DDX3X: variants seen among roughly 807,000 people sequenced by gnomAD.
DDX3X encodes ATP-dependent RNA helicase DDX3X.
Under a neutral mutation model 52.7 loss-of-function variants are expected in DDX3X, and 4 were observed. That is an observed-to-expected ratio of 0.08 (90% CI 0.04 to 0.17). The LOEUF (loss-of-function observed/expected upper bound fraction) is 0.17, where lower values mean the gene tolerates loss of function less well. Ranked by LOEUF, DDX3X falls within the 10% of genes least tolerant of loss-of-function variation. The probability of loss-of-function intolerance (pLI) is 1.00; values close to 1 mark genes in which losing one functional copy is unlikely to be tolerated. For missense variants in DDX3X, 222 were observed against 548.6 expected, an observed-to-expected ratio of 0.40 and a Z score of 5.95; for synonymous variants, 192 against 178.1, an observed-to-expected ratio of 1.08 and a Z score of -0.62.
intron 8 of DDX3X, 46 bp from the exon 9 acceptor site, chrX:41,343,984 C>CA (rs1239595905): frequency 9.2e-7 from 1 of 1,088,462 alleles, no homozygotes; most frequent in Non-Finnish European, 1.2e-6. Flanking sequence ...ATGAACTTTT[C>CA]AAACAGGGTA....
In DDX3X at chrX:41,343,786, T is replaced by C; in HGVS notation, c.729T>C (p.Tyr243=). The C allele has an allele frequency of 2.5e-6, 3 of 1,211,133 alleles. No individual in the cohort carries two copies. Among genetic ancestry groups the C allele is most frequent in the East Asian group, 3.0e-5 (1 of 33,859 alleles). The change falls in exon 8 of 17, where the codon TAT becomes TAC. Residue 243 remains tyrosine (Y), a synonymous_variant. Coordinates refer to ENST00000644876, the MANE Select transcript of DDX3X (RefSeq NM_001356.5). ...AFLLPILSQI[Y]SDGPGEALRA... ...TGTTGCCCATCTTGAGTCAGATTTA[T>C]TCAGATGGTCCAGGCGAGGCTTTGA...
chrX:41,360,259 T>G (rs1374644196), intron 5 of DDX3X, among the ~76,000 whole-genome samples: 3 of 106,103 alleles, frequency 2.8e-5, no homozygotes, highest in Non-Finnish European at 5.8e-5. Context: ...GTGCCTGTAA[T>G]CCCAGCTACT....
intron 12 of DDX3X, chrX:41,345,922 C>T (rs980700461): frequency 2.7e-5 from 7 of 259,830 alleles, no homozygotes; most frequent in African/African-American, 2.0e-4. Flanking sequence ...CCCATTTGGG[C>T]TGGGTGCAGT....
chrX:41,344,520 C>T lies in DDX3X; in HGVS notation c.1025+121C>T, dbSNP rs898981334. On this transcript the variant is annotated intron_variant, in intron 10 of 16. Transcript: ENST00000644876. ...TGGCGCGATCTCGGCTCACCACAACCTCTGCCTCCCGGGTTCAAGCGATTC... is the reference window on the plus strand; with the variant it reads ...TGGCGCGATCTCGGCTCACCACAACTTCTGCCTCCCGGGTTCAAGCGATTC... 4.7e-6 allele frequency: 4 copies of T among 845,482 alleles called. No individual in the cohort carries two copies. In the African/African-American group the frequency reaches 8.0e-5, roughly 17 times the overall value. 69.7% of individuals were successfully genotyped at this position (845,482 alleles called of 1,213,427 possible).
chrX:41,344,594 C>T (rs1333377820), intron 10 of DDX3X, 195 bp downstream of exon 10: 2 of 470,786 alleles, frequency 4.2e-6, no homozygotes, highest in Non-Finnish European at 7.2e-6. Flanking sequence ...TGTGCCACCA[C>T]GCTGGGCTAA....
downstream of DDX3X, among the ~76,000 whole-genome samples, chrX:41,352,125 T>C (rs1270592206): frequency 1.8e-5 from 2 of 110,936 alleles, no homozygotes; most frequent in Middle Eastern, 4.7e-3. Context: ...AAACTAAATA[T>C]ATACATAAAA....
chrX:41,358,067 T>A, intron 5 of DDX3X: 4 of 63,890 alleles, frequency 6.3e-5, no homozygotes, highest in East Asian at 3.5e-4. Flanking sequence ...TAGACACTCT[T>A]TTTTTTTTTT....
chrX:41,346,694 C>A, intron 14 of DDX3X, 72 bp downstream of exon 14: 1 of 967,822 alleles, frequency 1.0e-6, no homozygotes, highest in Admixed American at 2.9e-5. Flanking sequence ...TTGCTAGGAT[C>A]TAAAATACAT....
intron 2 of DDX3X, 44 bp from the exon 3 acceptor site, chrX:41,338,992 T>G: frequency 1.6e-6 from 1 of 626,800 alleles, no homozygotes; most frequent in Non-Finnish European, 2.2e-6. Context: ...ATGGGAAGGT[T>G]TTTTGGCATT....
chrX:41,361,230 C>T (rs1454025063), intron 5 of DDX3X, among the ~76,000 whole-genome samples: 1 of 109,581 alleles, frequency 9.1e-6, no homozygotes, highest in Non-Finnish European at 1.9e-5. Flanking sequence ...AAGTCACAGT[C>T]GGCCGGGCAT....
chrX:41,360,176 A>G (rs913584338), intron 5 of DDX3X, among the ~76,000 whole-genome samples: 1 of 107,310 alleles, frequency 9.3e-6, no homozygotes, highest in Non-Finnish European at 1.9e-5. Context: ...TCAGGAGTTC[A>G]AGACCAGCCT....
downstream of DDX3X, among the ~76,000 whole-genome samples, chrX:41,352,953 A>AT (rs1369823651): frequency 8.9e-6 from 1 of 111,821 alleles, no homozygotes. Flanking sequence ...ATTAAAACAG[A>AT]TATTGCAAAC....
At chrX:41,344,636 C>G (rs2063898654) in intron 10 of DDX3X, 1 of 382,039 alleles carries the variant, frequency 2.6e-6, no homozygotes, top group Non-Finnish European at 4.6e-6. Flanking sequence ...CGGGGTTTCT[C>G]CATGTTGGTC....
intron 1 of DDX3X, 26 bp downstream of exon 1, chrX:41,334,323 T>C (rs1715385582): frequency 2.5e-6 from 3 of 1,206,451 alleles, no homozygotes; most frequent in African/African-American, 3.5e-5. Flanking sequence ...CCCACCGGGC[T>C]GGCTGCTGCG....
intron 5 of DDX3X, among the ~76,000 whole-genome samples, chrX:41,362,073 AAAT>A (rs142506091): frequency 0.29 from 28,962 of 98,381 alleles, 4,282 homozygotes; most frequent in East Asian, 0.81. Context: ...ATCCTGAGCC[AAAT>A]AATTAACTTT....
intron 7 of DDX3X, 44 bp downstream of exon 7, chrX:41,343,395 A>G (rs1438593651): frequency 4.4e-6 from 5 of 1,128,424 alleles, no homozygotes; most frequent in Non-Finnish European, 5.9e-6. Flanking sequence ...TTCTTCTGTA[A>G]AGGACTAGAC....
upstream of DDX3X, chrX:41,333,375 C>T (rs2063703890): frequency 9.2e-6 from 1 of 108,894 alleles, no homozygotes; most frequent in African/African-American, 3.4e-5. Flanking sequence ...GCCCCGGTCA[C>T]CATCCTACCC....
Position 41,347,622 on chromosome X carries a change from T to C in DDX3X, c.1910-18T>C, listed in dbSNP as rs753131591. 1.6e-5 allele frequency: 19 copies of C among 1,164,906 alleles called. 1 individual carries two copies. The highest frequency in any genetic ancestry group is 1.5e-4 in the East Asian group (5 of 33,617). On this transcript the variant is annotated intron_variant, in intron 16 of 16. Transcript: ENST00000644876. ...GATAACTTCATTAATTTCTCTCTCTTTTTAAATCTCTCATTAGGTGGCTAT... is the reference window on the plus strand; with the variant it reads ...GATAACTTCATTAATTTCTCTCTCTCTTTAAATCTCTCATTAGGTGGCTAT...
At chrX:41,334,789 T>G (rs1402147989) in intron 1 of DDX3X, 1 of 929,851 alleles carries the variant, frequency 1.1e-6, no homozygotes, top group East Asian at 7.8e-5. Flanking sequence ...GGCCCAGGAA[T>G]GTGGGAGGGG....
Sources: allele counts gnomAD v4.1 joint callset (sites outside exome capture counted in the v4.1 genomes callset), GRCh38; gene constraint gnomAD v4.1.1; transcripts MANE v1.5; gene names NCBI Gene and HGNC (gene_info 2026-07-23, HGNC 2026-07-21).